The following AGPS variants were observed in gnomAD, a reference collection of about 807,000 sequenced individuals.
AGPS encodes alkylglycerone phosphate synthase, also known as alkyldihydroxyacetonephosphate synthase, peroxisomal.
A neutral mutation model predicts 90.7 loss-of-function variants in AGPS; 26 were observed. The observed-to-expected ratio is 0.29, with a 90% CI of 0.21 to 0.40. The LOEUF (loss-of-function observed/expected upper bound fraction) is 0.40. AGPS is among the 10% of genes least tolerant of loss of function. AGPS has a pLI of 1.00. For missense variants in AGPS, 540 were observed against 816.1 expected (o/e 0.66, Z 4.12); for synonymous variants, 294 against 285.3 (o/e 1.03, Z -0.31).
rs188428942 is a variant in AGPS, at chr2:177,418,212, C to T, written c.261-2057C>T. Among the ~76,000 whole-genome samples, 57 of 152,024 alleles carry T rather than the reference C, an allele frequency of 3.7e-4. No homozygotes were observed. In the East Asian group the frequency reaches 9.3e-3, roughly 25 times the overall value. The stretch of plus-strand genomic sequence containing the variant: ...ATTTGGAAGTTCTTTAGAATATTAC[C>T]CAACTTGAAAATTTAAGGCCAAAGA... On this transcript the variant is annotated intron_variant, in intron 1 of 19. Transcript: ENST00000264167.
intron 8 of AGPS, among the ~76,000 whole-genome samples, chr2:177,461,308 A>G (rs1184194990): frequency 2.0e-5 from 3 of 152,262 alleles, no homozygotes; most frequent in African/African-American, 4.8e-5. Flanking sequence ...TATTTAATGT[A>G]TAGTAATGCA....
chr2:177,414,405 C>T (rs547519074), intron 1 of AGPS, among the ~76,000 whole-genome samples: 3 of 151,986 alleles, frequency 2.0e-5, no homozygotes, highest in Admixed American at 6.6e-5. Context: ...TTAGGGGTCC[C>T]GCTGTATTGC....
At chr2:177,493,078 T>A (rs1688313742) in intron 11 of AGPS, 70 bp from the exon 12 acceptor site, 1 of 1,350,928 alleles carries the variant, frequency 7.4e-7, no homozygotes, top group African/African-American at 1.4e-5. Context: ...AAAGATAATA[T>A]TCACATTCTA....
chr2:177,435,969 AC>A (rs982220287), intron 3 of AGPS, among the ~76,000 whole-genome samples: 8 of 152,092 alleles, frequency 5.3e-5, no homozygotes, highest in Non-Finnish European at 1.2e-4. Flanking sequence ...CATAGTTTTA[AC>A]TTTGAAGTTG....
rs1687304597 is a variant in AGPS at position 177,461,921 on chromosome 2, A to G, written c.899A>G (p.His300Arg). The G allele has an allele frequency of 3.7e-6, 6 of 1,612,590 alleles. No homozygotes were observed. Among genetic ancestry groups the G allele is most frequent in the Non-Finnish European group, 5.1e-6 (6 of 1,179,006 alleles). ...AAAGAAAGTGGTTATTGTACAGGTC[A>G]TGAACCAGATTCCCTGGAGTTCAGT... ...QLKESGYCTGHEPDSLEFSTV... is the reference protein window; with the variant it reads ...QLKESGYCTGREPDSLEFSTV... The change falls in exon 9 of 20, where the codon CAT becomes CGT. Residue 300 changes from histidine (H) to arginine (R), a missense_variant. Transcript: ENST00000264167.
At position 177,434,431 on chromosome 2, in the gene AGPS, AATT is replaced by A; in HGVS notation, c.441+19_441+21del. ...ACTACCTCTAAAGTAAGCAAACAAA[AATT>A]ATTACTAACTCATTTAACTGTGTTT... On this transcript the variant is annotated intron_variant, in intron 3 of 19. Transcript: ENST00000264167. The A allele has an allele frequency of 6.4e-7, 1 of 1,557,908 alleles. No individual in the cohort carries two copies. Among genetic ancestry groups the A allele is most frequent in the Non-Finnish European group, 8.8e-7 (1 of 1,130,632 alleles).
intron 1 of AGPS, among the ~76,000 whole-genome samples, chr2:177,399,917 A>G (rs78343068): frequency 0.014 from 2,065 of 152,256 alleles, 48 homozygotes; most frequent in African/African-American, 0.047. Flanking sequence ...TCCATGTTGC[A>G]TCTAGTCACA....
intron 10 of AGPS, among the ~76,000 whole-genome samples, chr2:177,470,032 A>C (rs1165019972): frequency 2.0e-5 from 3 of 152,302 alleles, no homozygotes; most frequent in Non-Finnish European, 2.9e-5. Flanking sequence ...GCCATACCTA[A>C]AGTGGTCTTT....
At chr2:177,471,297 A>G (rs965454402) in intron 10 of AGPS, among the ~76,000 whole-genome samples, 20 of 152,166 alleles carry the variant, frequency 1.3e-4, no homozygotes, top group African/African-American at 4.6e-4. Flanking sequence ...TTTGATGACA[A>G]CCTTGAAAGT....
At chr2:177,516,889 ATATCTGGTACT>A (rs1689036273) in intron 17 of AGPS, among the ~76,000 whole-genome samples, 1 of 152,072 alleles carries the variant, frequency 6.6e-6, no homozygotes. Context: ...TAAACTTTGT[ATATCTGGTACT>A]TAAAATGTAA....
intron 8 of AGPS, among the ~76,000 whole-genome samples, chr2:177,446,148 A>G (rs555266311): frequency 0.01 from 389 of 37,870 alleles, 4 homozygotes; most frequent in African/African-American, 0.029. Flanking sequence ...GGTGACTGTT[A>G]CTTTTTTTTT....
chr2:177,472,721 G>A (rs1465686454), intron 10 of AGPS, among the ~76,000 whole-genome samples: 2 of 151,990 alleles, frequency 1.3e-5, no homozygotes, highest in Non-Finnish European at 2.9e-5. Flanking sequence ...TATAAATGGT[G>A]GTGTTTTTAG....
At chr2:177,493,266 G>A in intron 12 of AGPS, 67 bp downstream of exon 12, 2 of 1,354,706 alleles carry the variant, frequency 1.5e-6, no homozygotes, top group Non-Finnish European at 2.1e-6. Flanking sequence ...TCAGTAGGAA[G>A]AGTACGGAGT....
Position 177,458,070 on chromosome 2 carries a change from C to G in AGPS, c.871-3823C>G, listed in dbSNP as rs149616350. ...AAATCAATGTAATCCATCACATAAA[C>G]AGAACCAAGGACACAAACCACATGA... On this transcript the variant is annotated intron_variant, in intron 8 of 19. Transcript: ENST00000264167. 1.7e-3 allele frequency among the ~76,000 whole-genome samples: 266 copies of G among 152,312 alleles called. 1 individual carries two copies. Among genetic ancestry groups the G allele is most frequent in the Non-Finnish European group, 3.4e-3 (230 of 68,022 alleles).
At chr2:177,513,198 G>A (rs1014298679) in intron 16 of AGPS, among the ~76,000 whole-genome samples, 29 of 152,082 alleles carry the variant, frequency 1.9e-4, no homozygotes, top group African/African-American at 7.0e-4. Context: ...GGGCTCCAGC[G>A]ATTCTCCCAC....
At chr2:177,451,178 C>T (rs1686937906) in intron 8 of AGPS, among the ~76,000 whole-genome samples, 1 of 151,710 alleles carries the variant, frequency 6.6e-6, no homozygotes, top group Non-Finnish European at 1.5e-5. Context: ...TGAGACTGGT[C>T]TCAAACTTCT....
At chr2:177,532,278 C>T (rs1402724482) in intron 19 of AGPS, among the ~76,000 whole-genome samples, 1 of 151,948 alleles carries the variant, frequency 6.6e-6, no homozygotes, top group Non-Finnish European at 1.5e-5. Context: ...AAAGCAAATA[C>T]TTTAATTAGA....
chr2:177,483,393 A>G (rs1464785027), intron 11 of AGPS, among the ~76,000 whole-genome samples: 2 of 152,212 alleles, frequency 1.3e-5, no homozygotes, highest in Non-Finnish European at 2.9e-5. Context: ...AAGTACAGCT[A>G]TATGACCACC....
In AGPS at chr2:177,539,892, G is replaced by T. The variant is rs2079216852; in HGVS notation, c.*1697G>T. 16 of 151,012 alleles carry T rather than the reference G, an allele frequency of 1.1e-4. No individual in the cohort carries two copies. The allele number at this position is 151,012 out of a possible 1,614,324, so 9.4% of individuals were successfully genotyped here. A position where few individuals can be genotyped will look rare whatever the true frequency, so the allele number is the denominator to read the frequency against. ...TCTTTGCTTTAAGCCCTTGATATTT[G>T]ACCTAGTTGGACACTTGATGAGGAA... is the stretch of plus-strand genomic sequence containing the variant. On this transcript the variant is annotated 3_prime_UTR_variant, in exon 20 of 20. Transcript: ENST00000264167.
Sources: allele counts gnomAD v4.1 joint callset (sites outside exome capture counted in the v4.1 genomes callset), GRCh38; gene constraint gnomAD v4.1.1; transcripts MANE v1.5; gene names NCBI Gene and HGNC (gene_info 2026-07-23, HGNC 2026-07-21).